CNTN5: variants seen among roughly 807,000 people sequenced by gnomAD.
The protein encoded by CNTN5 is contactin-5.
CNTN5 carries 77 observed loss-of-function variants against 129.1 expected under a neutral mutation model. The observed-to-expected ratio is 0.60, with a 90% confidence interval of 0.50 to 0.72. The LOEUF (loss-of-function observed/expected upper bound fraction) is 0.72. Ranked by LOEUF, CNTN5 falls within the 30% of genes least tolerant of loss-of-function variation. The pLI is 0.00. For missense variants in CNTN5, 1,478 were observed against 1,328.8 expected (o/e 1.11, Z -1.75); for synonymous variants, 509 against 465.6 (o/e 1.09, Z -1.20).
At chr11:99,597,126 C>CTGTT (rs1340509071) in intron 3 of CNTN5, among the ~76,000 whole-genome samples, 1 of 152,108 alleles carries the variant, frequency 6.6e-6, no homozygotes, top group Non-Finnish European at 1.5e-5. Flanking sequence ...GACTCTCCTA[C>CTGTT]TGTTGTAAGA....
At chr11:99,762,818 A>G (rs1439063720) in intron 3 of CNTN5, among the ~76,000 whole-genome samples, 1 of 152,204 alleles carries the variant, frequency 6.6e-6, no homozygotes, top group Non-Finnish European at 1.5e-5. Context: ...GTACACAAAT[A>G]CTTTCAAAGT....
chr11:99,034,378 G>T (rs865984708), intron 1 of CNTN5, among the ~76,000 whole-genome samples: 1 of 151,440 alleles, frequency 6.6e-6, no homozygotes, highest in Non-Finnish European at 1.5e-5. Flanking sequence ...GGTAGAATTC[G>T]GCTGTGAATC....
At chr11:100,011,060 G>A (rs1940498113) in intron 9 of CNTN5, among the ~76,000 whole-genome samples, 1 of 152,098 alleles carries the variant, frequency 6.6e-6, no homozygotes, top group Non-Finnish European at 1.5e-5. Flanking sequence ...TACACTGAAT[G>A]AATTCAGGTA....
chr11:99,422,026 T>C (rs1429746532), intron 2 of CNTN5, among the ~76,000 whole-genome samples: 5 of 152,176 alleles, frequency 3.3e-5, no homozygotes, highest in Non-Finnish European at 4.4e-5. Flanking sequence ...ATAATTACCT[T>C]CTACCCTCAC....
intron 1 of CNTN5, among the ~76,000 whole-genome samples, chr11:99,184,708 T>G (rs983031650): frequency 2.6e-5 from 4 of 152,106 alleles, no homozygotes; most frequent in African/African-American, 9.7e-5. Flanking sequence ...GCTTGAAGTG[T>G]ATTACTTTGC....
intron 2 of CNTN5, among the ~76,000 whole-genome samples, chr11:99,385,085 G>C (rs2136171396): frequency 6.6e-6 from 1 of 152,274 alleles, no homozygotes; most frequent in Admixed American, 6.5e-5. Flanking sequence ...TTTATGGTAA[G>C]CTATGTAAAA....
rs142371136 is a variant in CNTN5 at position 100,159,181 on chromosome 11, G to A, written c.1581-31945G>A. Among the ~76,000 whole-genome samples the A allele has an allele frequency of 1.2e-4, 18 of 151,626 alleles. No individual in the cohort carries two copies. In the East Asian group the frequency reaches 3.1e-3, roughly 26 times the overall value. ...AATAATCATCACCAAAGTCAGACTG[G>A]TATTGCATAGATTTGTCTTGTGAAA... is the stretch of plus-strand genomic sequence containing the variant. On this transcript the variant is annotated intron_variant, in intron 13 of 24. Transcript: ENST00000524871.
chr11:99,458,417 C>G (rs1565598198), intron 2 of CNTN5, among the ~76,000 whole-genome samples: 1 of 151,658 alleles, frequency 6.6e-6, no homozygotes, highest in Non-Finnish European at 1.5e-5. Context: ...ATGAGAATTG[C>G]GCTATAAAAA....
intron 17 of CNTN5, among the ~76,000 whole-genome samples, chr11:100,262,845 G>A (rs548924042): frequency 7.9e-5 from 12 of 152,100 alleles, no homozygotes; most frequent in Admixed American, 6.5e-4. Flanking sequence ...TGTAGATGAC[G>A]GGTTGATGGG....
At chr11:99,753,665 A>AAC (rs1555099276) in intron 3 of CNTN5, among the ~76,000 whole-genome samples, 1 of 136,748 alleles carries the variant, frequency 7.3e-6, no homozygotes, top group East Asian at 2.2e-4. Flanking sequence ...AAAAAAAAAA[A>AAC]AAAACAGGTA....
chr11:100,171,216 G>T (rs1276706627), intron 13 of CNTN5, among the ~76,000 whole-genome samples: 2 of 151,906 alleles, frequency 1.3e-5, no homozygotes, highest in Non-Finnish European at 2.9e-5. Context: ...TTCTAATTAG[G>T]TCAGCATAAT....
chr11:99,683,488 GGTTT>G (rs1484516577), intron 3 of CNTN5, among the ~76,000 whole-genome samples: 1 of 151,672 alleles, frequency 6.6e-6, no homozygotes, highest in Non-Finnish European at 1.5e-5. Flanking sequence ...TTGTTCCATT[GGTTT>G]ATTTGTATAT....
At chr11:99,245,226 A>G (rs918870618) in intron 1 of CNTN5, among the ~76,000 whole-genome samples, 1 of 152,204 alleles carries the variant, frequency 6.6e-6, no homozygotes, top group Non-Finnish European at 1.5e-5. Flanking sequence ...CTGGTACAAA[A>G]GTAAGTAATA....
At chr11:99,778,721 A>C (rs1421177416) in intron 3 of CNTN5, among the ~76,000 whole-genome samples, 1 of 151,904 alleles carries the variant, frequency 6.6e-6, no homozygotes, top group Non-Finnish European at 1.5e-5. Context: ...ATAAACTAAA[A>C]AAAAATCAAT....
chr11:99,782,173 T>G (rs1178446240), intron 3 of CNTN5, among the ~76,000 whole-genome samples: 2 of 149,756 alleles, frequency 1.3e-5, no homozygotes, highest in African/African-American at 5.0e-5. Context: ...AGCATTCTTA[T>G]ACACCAACAA....
At chr11:99,417,706 C>T (rs1942720312) in intron 2 of CNTN5, among the ~76,000 whole-genome samples, 1 of 151,972 alleles carries the variant, frequency 6.6e-6, no homozygotes, top group Admixed American at 6.6e-5. Context: ...TCTTCATTTC[C>T]ATTCTTTTGT....
chr11:99,419,618 T>C (rs910858367), intron 2 of CNTN5, among the ~76,000 whole-genome samples: 5 of 152,148 alleles, frequency 3.3e-5, no homozygotes, highest in African/African-American at 7.2e-5. Flanking sequence ...CTGTAGCTAA[T>C]GAAGGGCATG....
intron 3 of CNTN5, among the ~76,000 whole-genome samples, chr11:99,734,866 G>A (rs1034186512): frequency 6.6e-6 from 1 of 152,154 alleles, no homozygotes; most frequent in Non-Finnish European, 1.5e-5. Flanking sequence ...AAATTAGCCC[G>A]GTGCAGTGGC....
At chr11:99,240,175 A>G (rs1269800783) in intron 1 of CNTN5, among the ~76,000 whole-genome samples, 4 of 151,666 alleles carry the variant, frequency 2.6e-5, no homozygotes, top group South Asian at 2.1e-4. Context: ...GTATTGAATA[A>G]TTGGGGGAGG....
Sources: gnomAD v4.1 joint callset for allele counts (sites outside exome capture counted in the v4.1 genomes callset) on GRCh38, gnomAD v4.1.1 for gene constraint, MANE v1.5 for transcripts, NCBI Gene and HGNC (gene_info 2026-07-23, HGNC 2026-07-21) for gene names.